Variants in CDK12 observed in about 807,000 individuals in gnomAD.
CDK12 encodes the protein cyclin-dependent kinase 12.
In CDK12, 17 loss-of-function variants were observed where a neutral mutation model predicts 133.8. The ratio of observed to expected loss-of-function variants is 0.13; its 90% confidence interval spans 0.09 to 0.19. The LOEUF (loss-of-function observed/expected upper bound fraction) is 0.19. Ranked by LOEUF, CDK12 falls within the 10% of genes least tolerant of loss-of-function variation. The probability of loss-of-function intolerance (pLI) is 1.00; values close to 1 mark genes in which losing one functional copy is unlikely to be tolerated. For synonymous variants in CDK12, 694 were observed against 683.6 expected (o/e 1.02, Z -0.24); for missense variants, 1,508 against 1,818.7 (o/e 0.83, Z 3.11).
intron 2 of CDK12, among the ~76,000 whole-genome samples, chr17:39,487,003 G>A (rs117760647): frequency 0.041 from 6,245 of 151,894 alleles, 172 homozygotes; most frequent in Non-Finnish European, 0.065. Flanking sequence ...GGGAGACTCC[G>A]TCTCAAAAAA....
At chr17:39,516,821 C>T (rs575675149) in intron 9 of CDK12, among the ~76,000 whole-genome samples, 2 of 151,722 alleles carry the variant, frequency 1.3e-5, no homozygotes, top group South Asian at 4.2e-4. Context: ...CACCACCACA[C>T]GCGGCTCATT....
At chr17:39,467,876 G>T (rs955100255) in intron 1 of CDK12, among the ~76,000 whole-genome samples, 4 of 151,610 alleles carry the variant, frequency 2.6e-5, no homozygotes, top group Admixed American at 2.6e-4. Context: ...TAGTCCTATT[G>T]ATTCCAACAA....
At chr17:39,469,348 G>A (rs1271487977) in intron 1 of CDK12, among the ~76,000 whole-genome samples, 1 of 152,122 alleles carries the variant, frequency 6.6e-6, no homozygotes, top group Non-Finnish European at 1.5e-5. Flanking sequence ...TTATAATAAA[G>A]ATATTAGGAG....
intron 13 of CDK12, among the ~76,000 whole-genome samples, chr17:39,528,487 C>G (rs1409262428): frequency 6.6e-6 from 1 of 151,928 alleles, no homozygotes. Flanking sequence ...TGTGTGACAC[C>G]AGGCCCGGCT....
chr17:39,469,308 G>A (rs980746871), intron 1 of CDK12, among the ~76,000 whole-genome samples: 7 of 152,018 alleles, frequency 4.6e-5, no homozygotes, highest in Admixed American at 4.6e-4. Flanking sequence ...ATATCTTTAG[G>A]AGTTTCTAAA....
intron 11 of CDK12, among the ~76,000 whole-genome samples, chr17:39,520,955 C>A (rs1007198994): frequency 6.6e-6 from 1 of 152,168 alleles, no homozygotes; most frequent in African/African-American, 2.4e-5. Flanking sequence ...TCAAGCGATT[C>A]ACCTGCCTCA....
At chr17:39,495,228 C>T (rs2051982068) in intron 5 of CDK12, among the ~76,000 whole-genome samples, 1 of 151,870 alleles carries the variant, frequency 6.6e-6, no homozygotes, top group Non-Finnish European at 1.5e-5. Context: ...CAGGCATGCG[C>T]CATCATTCCG....
chr17:39,565,713 C>A (rs1253694224), downstream of CDK12, among the ~76,000 whole-genome samples: 5 of 152,206 alleles, frequency 3.3e-5, no homozygotes, highest in African/African-American at 7.2e-5. Flanking sequence ...GGATTACAGG[C>A]GTGAGCCACC....
At chr17:39,511,985 G>T (rs2053533265) in intron 8 of CDK12, among the ~76,000 whole-genome samples, 4 of 152,126 alleles carry the variant, frequency 2.6e-5, no homozygotes, top group Admixed American at 2.6e-4. Context: ...TTCATTAGAA[G>T]AAACTATTTC....
chr17:39,509,233 G>A (rs1216518319), intron 6 of CDK12, among the ~76,000 whole-genome samples: 1 of 152,202 alleles, frequency 6.6e-6, no homozygotes, highest in Non-Finnish European at 1.5e-5. Context: ...AGGCTGGAGT[G>A]CAGTGGCCTC....
intron 2 of CDK12, among the ~76,000 whole-genome samples, chr17:39,554,033 G>A (rs1050963136): frequency 2.0e-5 from 3 of 152,206 alleles, no homozygotes; most frequent in African/African-American, 7.2e-5. Context: ...GGAGAGGCCA[G>A]TTATTCTTGC....
In CDK12 at chr17:39,550,976, CAA is replaced by C. The variant is rs59717653; in HGVS notation, n.252-44_252-43del. 5.3e-3 allele frequency: 599 copies of C among 112,662 alleles called. 1 individual carries two copies. Among genetic ancestry groups the C allele is most frequent in the South Asian group, 0.022 (76 of 3,390 alleles). 7.0% of individuals were successfully genotyped at this position (112,662 alleles called of 1,614,324 possible). On this transcript the variant is annotated intron_variant and non_coding_transcript_variant, in intron 1 of 3. Transcript: ENST00000558240. Reference sequence around the variant, plus strand: ...TGGGCAACAGAGCAAGACTCTGTCTCAAAAAAAAAAAAAAAAAAAGGGAACTT... The same window carrying C: ...TGGGCAACAGAGCAAGACTCTGTCTCAAAAAAAAAAAAAAAAAGGGAACTT...
chr17:39,494,805 TG>T, intron 5 of CDK12, 111 bp downstream of exon 5: 1 of 815,684 alleles, frequency 1.2e-6, no homozygotes, highest in South Asian at 1.9e-5. Context: ...AGTCTTGCTC[TG>T]TTGCCCAGGC....
At chr17:39,474,714 A>G (rs1177189073) in intron 2 of CDK12, among the ~76,000 whole-genome samples, 1 of 151,554 alleles carries the variant, frequency 6.6e-6, no homozygotes, top group African/African-American at 2.4e-5. Context: ...AGTACAGTAA[A>G]TGGAAAGGGG....
At position 39,464,626 on chromosome 17, in the gene CDK12, G is replaced by C. The variant is rs909366923; in HGVS notation, c.1046+1509G>C. ...ATCAAGCTGCAGAGTGTTCCTAGCT[G>C]TCAAGGGCTGGAGTTCTTAATGTTT... On this transcript the variant is annotated intron_variant, in intron 1 of 13. Coordinates refer to ENST00000447079, the MANE Select transcript of CDK12 (RefSeq NM_016507.4). Among the ~76,000 whole-genome samples, 4 of 151,894 alleles carry C rather than the reference G, an allele frequency of 2.6e-5. 1 individual carries two copies. The highest frequency in any genetic ancestry group is 2.9e-5 in the Non-Finnish European group (2 of 67,992).
chr17:39,533,814 A>G lies in CDK12; in HGVS notation c.*2498A>G. 4.3e-6 allele frequency: 1 copy of G among 232,486 alleles called. No individual in the cohort carries two copies. The highest frequency in any genetic ancestry group is 6.1e-5 in the East Asian group (1 of 16,506). The allele number at this position is 232,486 out of a possible 1,614,324, so 14.4% of individuals were successfully genotyped here. A position where few individuals can be genotyped will look rare whatever the true frequency, so the allele number is the denominator to read the frequency against. ...GCAGAGGAGAAAAAAAAACTTATTTAAATATCCTGGAATCTGTATGGAGGA... is the reference window on the plus strand; with the variant it reads ...GCAGAGGAGAAAAAAAAACTTATTTGAATATCCTGGAATCTGTATGGAGGA... On this transcript the variant is annotated 3_prime_UTR_variant, in exon 14 of 14. Coordinates refer to ENST00000447079, the MANE Select transcript of CDK12 (RefSeq NM_016507.4).
downstream of CDK12, among the ~76,000 whole-genome samples, chr17:39,535,853 A>G (rs1458552786): frequency 6.6e-6 from 1 of 152,156 alleles, no homozygotes; most frequent in African/African-American, 2.4e-5. Context: ...GACTTTTCAT[A>G]TCCTAATCAT....
intron 11 of CDK12, among the ~76,000 whole-genome samples, chr17:39,523,408 G>A (rs1200631766): frequency 6.6e-6 from 1 of 152,076 alleles, no homozygotes; most frequent in Non-Finnish European, 1.5e-5. Context: ...CCTGGGAGGC[G>A]GAGGTTGCAG....
chr17:39,466,519 C>T (rs1435979312), intron 1 of CDK12, among the ~76,000 whole-genome samples: 1 of 144,560 alleles, frequency 6.9e-6, no homozygotes, highest in Non-Finnish European at 1.5e-5. Flanking sequence ...GAGGCTGAGG[C>T]AGGAGAATTG....
Sources: allele counts gnomAD v4.1 joint callset (sites outside exome capture counted in the v4.1 genomes callset), GRCh38; gene constraint gnomAD v4.1.1; transcripts MANE v1.5; gene names NCBI Gene and HGNC (gene_info 2026-07-23, HGNC 2026-07-21).